Variants in CHD3 observed in about 807,000 individuals in gnomAD.
The protein encoded by CHD3 is ATP-dependent chromatin remodeler CHD3.
CHD3 carries 52 observed loss-of-function variants against 248.9 expected under a neutral mutation model. That is an observed-to-expected ratio of 0.21 (90% CI 0.17 to 0.26). The LOEUF (loss-of-function observed/expected upper bound fraction) is 0.26, where lower values mean the gene tolerates loss of function less well. CHD3 is among the 10% of genes least tolerant of loss of function. CHD3 has a pLI of 1.00. For synonymous variants in CHD3, 985 were observed against 985.2 expected (o/e 1.00, Z 0.00); for missense variants, 1,482 against 2,605.8 (o/e 0.57, Z 9.39).
chr17:7,893,008 C>G (rs1404163427), intron 4 of CHD3, among the ~76,000 whole-genome samples: 1 of 152,088 alleles, frequency 6.6e-6, no homozygotes, highest in African/African-American at 2.4e-5. Flanking sequence ...TCTCATAGCC[C>G]TGGGCTCAAG....
Position 7,908,632 on chromosome 17 carries a change from G to A in CHD3, c.5262-65G>A. 6.2e-7 allele frequency: 1 copy of A among 1,603,892 alleles called. No homozygotes were observed. The highest frequency in any genetic ancestry group is 1.3e-5 in the African/African-American group (1 of 74,648). ...CTTTGGGGAGTCAAGCCAAAAGGAA[G>A]AAGTGTTCAAAGCCAAGCCCATTCC... On this transcript the variant is annotated intron_variant, in intron 35 of 39. Coordinates refer to ENST00000330494, the MANE Select transcript of CHD3 (RefSeq NM_001005273.3). This position sits in a 1 kb window ranked among gnomAD's most constrained non-coding sequence, Gnocchi z 5.8.
chr17:7,888,810 A>C lies in CHD3; in HGVS notation c.-191A>C. 1 of 1,434,554 alleles carries C rather than the reference A, an allele frequency of 7.0e-7. No homozygotes were observed. Among genetic ancestry groups the C allele is most frequent in the Non-Finnish European group, 9.1e-7 (1 of 1,099,126 alleles). The allele number at this position is 1,434,554 out of a possible 1,614,324, so 88.9% of individuals were successfully genotyped here. A position where few individuals can be genotyped will look rare whatever the true frequency, so the allele number is the denominator to read the frequency against. On this transcript the variant is annotated 5_prime_UTR_variant, in exon 1 of 40. Transcript: ENST00000330494. ...GCCTATATCTTTGTTTGGGTCTCCC[A>C]TACTGCGTATAGATGAATGGGTCAG...
At position 7,908,977 on chromosome 17, in the gene CHD3, G is replaced by A. The variant is rs528980487; in HGVS notation, c.5394+148G>A. 2.8e-6 allele frequency: 4 copies of A among 1,411,780 alleles called. No individual in the cohort carries two copies. The African/African-American group carries it at 5.7e-5, about 20-fold the overall frequency. The allele number at this position is 1,411,780 out of a possible 1,614,324, so 87.5% of individuals were successfully genotyped here. A position where few individuals can be genotyped will look rare whatever the true frequency, so the allele number is the denominator to read the frequency against. ...CCAAAGTGTAACCTTGTGCTTGGGA[G>A]TGTGATCTGGGTCAGGGTTGCTGCT... On this transcript the variant is annotated intron_variant, in intron 36 of 39. Coordinates refer to ENST00000330494, the MANE Select transcript of CHD3 (RefSeq NM_001005273.3). This position sits in a 1 kb window ranked among gnomAD's most constrained non-coding sequence, Gnocchi z 5.8.
Position 7,889,751 on chromosome 17 carries a change from G to A in CHD3, c.188G>A (p.Gly63Glu). ...AAGAAGCAGAAGGAGAACAAGCCAG[G>A]AAAACCCCGAAAACGCAAGAAGCGT... Reference protein sequence around the residue: ...GPKKQKENKPGKPRKRKKRDS... With the variant: ...GPKKQKENKPEKPRKRKKRDS... The change falls in exon 2 of 40, where the codon GGA (glycine) becomes GAA (glutamate). Residue 63 changes from glycine (G) to glutamate (E), a missense_variant. Gly to Glu is a moderately conservative substitution (Grantham distance 98). Around this residue, in one of 20 missense-constraint regions of CHD3, gnomAD observed 169 missense variants for 168.1 expected, o/e 1.01. Coordinates refer to ENST00000330494, the MANE Select transcript of CHD3 (RefSeq NM_001005273.3). The surrounding 1 kb of genome is among the most constrained non-coding windows in gnomAD (Gnocchi z 4.5). 1 of 1,612,368 alleles carries A rather than the reference G, an allele frequency of 6.2e-7. No individual in the cohort carries two copies. The highest frequency in any genetic ancestry group is 8.5e-7 in the Non-Finnish European group (1 of 1,178,950).
In CHD3 at chr17:7,910,266, C is replaced by A; in HGVS notation, c.5591-162C>A. Reference sequence around the variant, plus strand: ...CTGAGTTGCTTCTGTTTTCCATCTACTTCTTTTACTTTCTTGATCTCTGGT... The same window carrying A: ...CTGAGTTGCTTCTGTTTTCCATCTAATTCTTTTACTTTCTTGATCTCTGGT... On this transcript the variant is annotated intron_variant, in intron 37 of 39. Transcript: ENST00000330494. The surrounding 1 kb of genome is among the most constrained non-coding windows in gnomAD (Gnocchi z 4.7). The A allele has an allele frequency of 2.3e-6, 2 of 858,438 alleles. No individual in the cohort carries two copies. Among genetic ancestry groups the A allele is most frequent in the Non-Finnish European group, 3.7e-6 (2 of 536,144 alleles). 53.2% of individuals were successfully genotyped at this position (858,438 alleles called of 1,614,324 possible).
intron 20 of CHD3, 44 bp downstream of exon 20, chr17:7,901,419 C>T (rs772865958): frequency 2.7e-6 from 4 of 1,503,352 alleles, no homozygotes; most frequent in South Asian, 1.4e-5. Context: ...TTCCTCTTCC[C>T]TCTCCTCATC....
In CHD3 at chr17:7,911,999, C is replaced by T; in HGVS notation, c.*414C>T. ...ATCAGCCTTGCCTGGCCTTTAGGAA[C>T]TTTTGTGGGGAAGAGAGCTTTGAAG... On this transcript the variant is annotated 3_prime_UTR_variant, in exon 40 of 40. Coordinates refer to ENST00000330494, the MANE Select transcript of CHD3 (RefSeq NM_001005273.3). This position sits in a 1 kb window ranked among gnomAD's most constrained non-coding sequence, Gnocchi z 5.4. 1 of 323,956 alleles carries T rather than the reference C, an allele frequency of 3.1e-6. No individual in the cohort carries two copies. The highest frequency in any genetic ancestry group is 6.0e-6 in the Non-Finnish European group (1 of 167,346). The allele number at this position is 323,956 out of a possible 1,614,324, so 20.1% of individuals were successfully genotyped here.
chr17:7,894,034 G>GCCA (rs1597938076), intron 6 of CHD3, 81 bp from the exon 7 acceptor site: 85 of 1,581,372 alleles, frequency 5.4e-5, no homozygotes, highest in South Asian at 2.0e-4. Flanking sequence ...ATCCGTGAGG[G>GCCA]ATGGCGGAAC....
At chr17:7,891,108 T>C (rs1485107063) in intron 4 of CHD3, 44 bp downstream of exon 4, 7 of 1,606,624 alleles carry the variant, frequency 4.4e-6, no homozygotes, top group Non-Finnish European at 5.1e-6. Flanking sequence ...CACTTTTAAT[T>C]TGAGGGAGGT....
chr17:7,894,711 T>C, intron 8 of CHD3, 103 bp downstream of exon 8: 1 of 1,373,290 alleles, frequency 7.3e-7, no homozygotes, highest in Non-Finnish European at 1.0e-6. Context: ...GCTGGACTTC[T>C]TAGTAACAGA....
chr17:7,885,150 G>A (rs1967594427), upstream of CHD3: 1 of 982,492 alleles, frequency 1.0e-6, no homozygotes, highest in African/African-American at 1.8e-5. Context: ...AGCCGGGCGG[G>A]GGCGAGGCAC....
upstream of CHD3, chr17:7,888,782 T>G: frequency 7.1e-7 from 1 of 1,406,032 alleles, no homozygotes; most frequent in Non-Finnish European, 9.2e-7. Context: ...TGTGTCTGTC[T>G]GTGCCTATAT....
In CHD3 at chr17:7,906,485, G is replaced by A. The variant is rs1454910744; in HGVS notation, c.4359-68G>A. ...TTTGGGGGTCCTCAGTCATCCTCGCGCCTCCCTCACTGCCCTATACCCCTT... is the reference window on the plus strand; with the variant it reads ...TTTGGGGGTCCTCAGTCATCCTCGCACCTCCCTCACTGCCCTATACCCCTT... On this transcript the variant is annotated intron_variant, in intron 28 of 39. Coordinates refer to ENST00000330494, the MANE Select transcript of CHD3 (RefSeq NM_001005273.3). The surrounding 1 kb of genome is among the most constrained non-coding windows in gnomAD (Gnocchi z 5.0). 2.2e-5 allele frequency: 34 copies of A among 1,555,134 alleles called. No individual in the cohort carries two copies. The East Asian group carries it at 2.5e-4, about 11-fold the overall frequency.
rs773124354 is a variant in CHD3, at chr17:7,911,745, G to C, written c.*160G>C. 6.5e-7 allele frequency: 1 copy of C among 1,532,020 alleles called. No homozygotes were observed. Among genetic ancestry groups the C allele is most frequent in the Admixed American group, 2.0e-5 (1 of 50,318 alleles). The allele number at this position is 1,532,020 out of a possible 1,614,324, so 94.9% of individuals were successfully genotyped here. On this transcript the variant is annotated 3_prime_UTR_variant, in exon 40 of 40. Coordinates refer to ENST00000330494, the MANE Select transcript of CHD3 (RefSeq NM_001005273.3). The surrounding 1 kb of genome is among the most constrained non-coding windows in gnomAD (Gnocchi z 5.4). ...TCTCTGCAGCTCCTCTCTTCAAGAA[G>C]GGCCCTTTGTCTTTCTCCACTCCCA...
In CHD3 at chr17:7,909,786, C is replaced by G. The variant is rs1971425072; in HGVS notation, c.5590+448C>G. ...ACTACCACCCATCCAACCCTCTGGC[C>G]TTACCCCATGAAACTTCCCTTTGAC... On this transcript the variant is annotated intron_variant, in intron 37 of 39. Transcript: ENST00000330494. The surrounding 1 kb of genome is among the most constrained non-coding windows in gnomAD (Gnocchi z 8.1). The G allele has an allele frequency of 5.1e-6, 1 of 195,536 alleles. No individual in the cohort carries two copies. Among genetic ancestry groups the G allele is most frequent in the Non-Finnish European group, 1.0e-5 (1 of 95,400 alleles). 12.1% of individuals were successfully genotyped at this position (195,536 alleles called of 1,614,324 possible).
chr17:7,910,642 C>T lies in CHD3; in HGVS notation c.5754+51C>T, dbSNP rs527604195. ...GTTTTCCCTGTTTGTGTTCCTCCTG[C>T]ACACATACAAACACTTCCATCAGAA... On this transcript the variant is annotated intron_variant, in intron 38 of 39. Coordinates refer to ENST00000330494, the MANE Select transcript of CHD3 (RefSeq NM_001005273.3). The surrounding 1 kb of genome is among the most constrained non-coding windows in gnomAD (Gnocchi z 4.7). The T allele has an allele frequency of 1.0e-5, 16 of 1,570,544 alleles. No individual in the cohort carries two copies. In the East Asian group the frequency reaches 3.4e-4, roughly 33 times the overall value.
At position 7,903,722 on chromosome 17, in the gene CHD3, C is replaced by T. The variant is rs1054153839; in HGVS notation, c.3728-103C>T. 3 of 1,306,334 alleles carry T rather than the reference C, an allele frequency of 2.3e-6. No individual in the cohort carries two copies. In the African/African-American group the frequency reaches 4.5e-5, roughly 19 times the overall value. 80.9% of individuals were successfully genotyped at this position (1,306,334 alleles called of 1,614,324 possible). On this transcript the variant is annotated intron_variant, in intron 23 of 39. Coordinates refer to ENST00000330494, the MANE Select transcript of CHD3 (RefSeq NM_001005273.3). The surrounding 1 kb of genome is among the most constrained non-coding windows in gnomAD (Gnocchi z 6.8). ...TCAACATTGGCTCCCGGGGAAAAAG[C>T]CTTCTCTAGGGCTCCTGTGAAAAGG...
chr17:7,891,299 C>A (rs552866069), intron 4 of CHD3, among the ~76,000 whole-genome samples: 1 of 152,210 alleles, frequency 6.6e-6, no homozygotes, highest in Non-Finnish European at 1.5e-5. Context: ...GATTCCAGTG[C>A]TGGGTTAGAG....
chr17:7,903,668 A>C lies in CHD3; in HGVS notation c.3728-157A>C, dbSNP rs553820672. Reference sequence around the variant, plus strand: ...AAGGTTGGCCTCTTTCTTTGCCTGTAGGGTTAAAACAAACAAAACAAAAAC... The same window carrying C: ...AAGGTTGGCCTCTTTCTTTGCCTGTCGGGTTAAAACAAACAAAACAAAAAC... On this transcript the variant is annotated intron_variant, in intron 23 of 39. Transcript: ENST00000330494. The surrounding 1 kb of genome is among the most constrained non-coding windows in gnomAD (Gnocchi z 6.8). Among the ~76,000 whole-genome samples, 2 of 152,282 alleles carry C rather than the reference A, an allele frequency of 1.3e-5. No individual in the cohort carries two copies. The highest frequency in any genetic ancestry group is 3.9e-4 in the East Asian group (2 of 5,184).
Sources: allele counts gnomAD v4.1 joint callset (sites outside exome capture counted in the v4.1 genomes callset), GRCh38; gene constraint gnomAD v4.1.1; regional missense constraint gnomAD v4.1.1; non-coding constraint Gnocchi (gnomAD v3.1); transcripts MANE v1.5; gene names NCBI Gene and HGNC (gene_info 2026-07-23, HGNC 2026-07-21).